Variants in PDXDC1 observed in about 807,000 individuals in gnomAD.
PDXDC1 encodes the protein pyridoxal-dependent decarboxylase domain-containing protein 1.
PDXDC1 carries 42 observed loss-of-function variants against 100.1 expected under a neutral mutation model. The observed-to-expected ratio is 0.42, with a 90% CI of 0.33 to 0.54. The LOEUF (loss-of-function observed/expected upper bound fraction) is 0.54, where lower values mean the gene tolerates loss of function less well. Ranked by LOEUF, PDXDC1 falls within the 20% of genes least tolerant of loss-of-function variation. PDXDC1 has a pLI of 0.10. For synonymous variants in PDXDC1, 260 were observed against 371.7 expected (o/e 0.70, Z 3.46); for missense variants, 636 against 979.2 (o/e 0.65, Z 4.68).
intron 16 of PDXDC1, among the ~76,000 whole-genome samples, chr16:15,101,426 C>T (rs1003468692): frequency 4.6e-5 from 7 of 152,156 alleles, no homozygotes; most frequent in South Asian, 2.1e-4. Flanking sequence ...AAATGATTGT[C>T]GTGCCTCAGC....
chr16:15,033,825 T>A (rs541823489), intron 19 of PDXDC1, among the ~76,000 whole-genome samples: 1 of 152,310 alleles, frequency 6.6e-6, no homozygotes, highest in African/African-American at 2.4e-5. Context: ...ATAGACCTAC[T>A]GCTGTGGGTC....
chr16:14,998,495 T>C, intron 3 of PDXDC1, 90 bp downstream of exon 3: 1 of 1,421,196 alleles, frequency 7.0e-7, no homozygotes, highest in Middle Eastern at 1.8e-4. Flanking sequence ...CCCAGGATGG[T>C]GTGCAGTGGC....
At chr16:15,092,474 A>T in intron 16 of PDXDC1, 1 of 1,416,190 alleles carries the variant, frequency 7.1e-7, no homozygotes, top group Non-Finnish European at 1.0e-6. Context: ...TTCTGACCTA[A>T]CCAAAAGCAA....
intron 16 of PDXDC1, among the ~76,000 whole-genome samples, chr16:15,064,145 A>T (rs1342428771): frequency 1.3e-5 from 2 of 152,006 alleles, no homozygotes; most frequent in Non-Finnish European, 2.9e-5. Flanking sequence ...TTTCTAGAAC[A>T]ACTCATCTAG....
chr16:15,104,383 G>C, intron 16 of PDXDC1: 4 of 1,596,690 alleles, frequency 2.5e-6, no homozygotes, highest in South Asian at 1.1e-5. Context: ...GAGGGTGGAA[G>C]GGGAGTGAGC....
downstream of PDXDC1, chr16:15,038,666 C>A: frequency 1.3e-6 from 2 of 1,589,602 alleles, no homozygotes; most frequent in Non-Finnish European, 1.7e-6. Flanking sequence ...TGTTCTGTCT[C>A]TGCATCATAA....
intron 16 of PDXDC1, chr16:15,125,971 C>G: frequency 1.7e-6 from 1 of 602,336 alleles, no homozygotes. Flanking sequence ...ATGGCAGCCC[C>G]TCGCGACGTG....
At chr16:15,061,865 T>G in intron 16 of PDXDC1, 1 of 1,613,636 alleles carries the variant, frequency 6.2e-7, no homozygotes, top group Non-Finnish European at 8.5e-7. Flanking sequence ...CTGGGGCACT[T>G]CGCCTTTCAG....
chr16:14,978,985 C>T (rs1207598816), intron 1 of PDXDC1, among the ~76,000 whole-genome samples: 2 of 152,284 alleles, frequency 1.3e-5, no homozygotes, highest in Non-Finnish European at 2.9e-5. Flanking sequence ...CCAGTTGTAA[C>T]AATAAGAAAT....
chr16:15,137,832 C>T lies in PDXDC1; in HGVS notation c.1400-1047C>T, dbSNP rs926232810. The T allele has an allele frequency of 3.2e-4, 485 of 1,523,358 alleles. 9 individuals are homozygous for T. In the Admixed American group the frequency reaches 8.4e-3, roughly 26 times the overall value. The allele number at this position is 1,523,358 out of a possible 1,614,324, so 94.4% of individuals were successfully genotyped here. On this transcript the variant is annotated intron_variant, in intron 16 of 16. Coordinates refer to the PDXDC1 transcript ENST00000535621. ...TCAGGCCCAGCACACGTGGCTGCCT[C>T]GGGCTGCACCACCCGCACCTGCTGC...
At chr16:15,053,069 T>G (rs1324587728) in intron 16 of PDXDC1, among the ~76,000 whole-genome samples, 4 of 152,102 alleles carry the variant, frequency 2.6e-5, no homozygotes, top group African/African-American at 9.7e-5. Flanking sequence ...GCTCGGCACT[T>G]GAAATGTGGC....
At chr16:15,142,175 C>T (rs2048485921), downstream of PDXDC1, among the ~76,000 whole-genome samples, 1 of 152,136 alleles carries the variant, frequency 6.6e-6, no homozygotes, top group Non-Finnish European at 1.5e-5. Flanking sequence ...TCAAGAGTGG[C>T]TGCTGCTGGG....
At chr16:15,111,000 G>A (rs1238805577) in intron 16 of PDXDC1, among the ~76,000 whole-genome samples, 1 of 148,040 alleles carries the variant, frequency 6.8e-6, no homozygotes, top group Non-Finnish European at 1.5e-5. Flanking sequence ...ATGGCAGTGG[G>A]CGCCTGTAAT....
At chr16:15,087,801 A>G (rs1597995272) in intron 16 of PDXDC1, among the ~76,000 whole-genome samples, 1 of 152,202 alleles carries the variant, frequency 6.6e-6, no homozygotes. Context: ...TAAGGATAAC[A>G]TTTAAACTGT....
rs976946412 is a variant in PDXDC1, at chr16:15,076,744, A to T, written c.1399+46688A>T. ...AAATTCATCTGATATACGCATGTTC[A>T]AGGTGTCCAGATTAGTGCCTTATAT... is the stretch of plus-strand genomic sequence containing the variant. On this transcript the variant is annotated intron_variant, in intron 16 of 16. Coordinates refer to the PDXDC1 transcript ENST00000535621. 1.2e-5 allele frequency: 10 copies of T among 860,678 alleles called. No homozygotes were observed. In the Admixed American group the frequency reaches 2.0e-4, roughly 17 times the overall value. The allele number at this position is 860,678 out of a possible 1,614,324, so 53.3% of individuals were successfully genotyped here.
downstream of PDXDC1, among the ~76,000 whole-genome samples, chr16:15,143,473 C>T (rs887877508): frequency 1.6e-4 from 24 of 152,314 alleles, no homozygotes; most frequent in African/African-American, 4.3e-4. Flanking sequence ...GCCACCCGGG[C>T]GTGTGAACCC....
intron 16 of PDXDC1, among the ~76,000 whole-genome samples, chr16:15,134,522 CG>C (rs1028044399): frequency 5.8e-5 from 4 of 69,340 alleles, no homozygotes; most frequent in African/African-American, 1.6e-4. Context: ...ACCTGGGCGG[CG>C]GAAGGGCATA....
At position 15,064,295 on chromosome 16, in the gene PDXDC1, C is replaced by A. The variant is rs563753281; in HGVS notation, c.1399+34239C>A. Reference sequence around the variant, plus strand: ...GGTTCAAGAGATTCTCCTGCCTCAGCCTCCCGAGTAGCTGGAATTACAGGC... The same window carrying A: ...GGTTCAAGAGATTCTCCTGCCTCAGACTCCCGAGTAGCTGGAATTACAGGC... On this transcript the variant is annotated intron_variant, in intron 16 of 16. Coordinates refer to the PDXDC1 transcript ENST00000535621. Among the ~76,000 whole-genome samples the A allele has an allele frequency of 2.6e-5, 4 of 152,264 alleles. No individual in the cohort carries two copies. In the East Asian group the frequency reaches 7.7e-4, roughly 29 times the overall value.
the PDXDC1 span, among the ~76,000 whole-genome samples, chr16:15,145,425 C>T: frequency 5.3e-5 from 8 of 152,242 alleles, no homozygotes; most frequent in South Asian, 4.1e-4. Context: ...CTTGCCCCAG[C>T]GCTGGCCTCA....
Sources: allele counts gnomAD v4.1 joint callset (sites outside exome capture counted in the v4.1 genomes callset), GRCh38; gene constraint gnomAD v4.1.1; transcripts MANE v1.5; gene names NCBI Gene and HGNC (gene_info 2026-07-23, HGNC 2026-07-21).